CALN1: variants seen among roughly 807,000 people sequenced by gnomAD.
CALN1 encodes calneuron 1.
A neutral mutation model predicts 30.6 loss-of-function variants in CALN1; 17 were observed. That is an observed-to-expected ratio of 0.56 (90% CI 0.38 to 0.83). The LOEUF (loss-of-function observed/expected upper bound fraction) is 0.83, where lower values mean the gene tolerates loss of function less well. Ranked by LOEUF, CALN1 falls within the 40% of genes least tolerant of loss-of-function variation. The pLI, the probability that CALN1 is intolerant of heterozygous loss-of-function variation, is 0.00. For missense variants in CALN1, 291 were observed against 354.9 expected, an observed-to-expected ratio of 0.82 and a Z score of 1.45; for synonymous variants, 156 against 131.4, an observed-to-expected ratio of 1.19 and a Z score of -1.28.
At chr7:72,427,079 A>T (rs962191132) in intron 1 of CALN1, among the ~76,000 whole-genome samples, 15 of 152,174 alleles carry the variant, frequency 9.9e-5, no homozygotes, top group Non-Finnish European at 1.3e-4. Context: ...ACTTTCTGGG[A>T]TCAAGTGATC....
intron 5 of CALN1, among the ~76,000 whole-genome samples, chr7:71,815,755 CTTCT>C (rs1272823055): frequency 6.7e-6 from 1 of 148,912 alleles, no homozygotes; most frequent in Non-Finnish European, 1.5e-5. Context: ...TCCCTTCCTC[CTTCT>C]TTCCTTCCCT....
At chr7:72,232,163 G>A (rs1176987512) in intron 3 of CALN1, among the ~76,000 whole-genome samples, 1 of 152,186 alleles carries the variant, frequency 6.6e-6, no homozygotes, top group Non-Finnish European at 1.5e-5. Context: ...AGCAGGGGGA[G>A]CAGAGAGGAT....
At chr7:71,930,532 T>C (rs888056703) in intron 5 of CALN1, among the ~76,000 whole-genome samples, 5 of 152,266 alleles carry the variant, frequency 3.3e-5, no homozygotes, top group African/African-American at 1.2e-4. Flanking sequence ...TTTAGCTTCT[T>C]GATAGTGTCT....
intron 1 of CALN1, among the ~76,000 whole-genome samples, chr7:72,404,397 T>A (rs1246323176): frequency 6.6e-6 from 1 of 152,212 alleles, no homozygotes; most frequent in Non-Finnish European, 1.5e-5. Context: ...CTCTTTGGTT[T>A]CATTGAAGGT....
At chr7:71,890,760 T>TTC (rs1793194310) in intron 5 of CALN1, among the ~76,000 whole-genome samples, 1 of 150,288 alleles carries the variant, frequency 6.7e-6, no homozygotes, top group Non-Finnish European at 1.5e-5. Flanking sequence ...TTTTTTTTTT[T>TTC]TTTGAGATGG....
At chr7:72,342,655 G>C (rs1802436126) in intron 2 of CALN1, among the ~76,000 whole-genome samples, 1 of 152,084 alleles carries the variant, frequency 6.6e-6, no homozygotes, top group Non-Finnish European at 1.5e-5. Flanking sequence ...CCTGCCTCTA[G>C]CTTTGGGATT....
the CALN1 span, among the ~76,000 whole-genome samples, chr7:72,491,782 C>T: frequency 6.6e-6 from 1 of 152,178 alleles, no homozygotes; most frequent in African/African-American, 2.4e-5. Context: ...CTGCTCACAA[C>T]TGCACTTTTA....
At position 71,787,420 on chromosome 7, in the gene CALN1, C is replaced by CG; in HGVS notation, c.*354_*355insC. The CG allele has an allele frequency of 4.9e-5, 11 of 226,700 alleles. No individual in the cohort carries two copies. The highest frequency in any genetic ancestry group is 2.1e-4 in the South Asian group (3 of 14,044). The allele number at this position is 226,700 out of a possible 1,614,324, so 14.0% of individuals were successfully genotyped here. ...GGTGACTGTGTGTTCATGCCTCTCT[C>CG]TTGCTCTCTCACCATTATACCTGGA... is the stretch of plus-strand genomic sequence containing the variant. On this transcript the variant is annotated 3_prime_UTR_variant, in exon 7 of 7. Transcript: ENST00000395275.
chr7:72,390,811 T>A (rs1200489502), intron 2 of CALN1, among the ~76,000 whole-genome samples: 1 of 152,240 alleles, frequency 6.6e-6, no homozygotes, highest in Non-Finnish European at 1.5e-5. Flanking sequence ...TGTTATTATA[T>A]CAACACATTT....
At chr7:71,938,198 AG>A (rs1364196350) in intron 5 of CALN1, among the ~76,000 whole-genome samples, 4 of 152,200 alleles carry the variant, frequency 2.6e-5, no homozygotes, top group Non-Finnish European at 5.9e-5. Context: ...ATTTCCAGAT[AG>A]GGACACATAG....
chr7:72,467,392 C>T, the CALN1 span, among the ~76,000 whole-genome samples: 19 of 152,168 alleles, frequency 1.2e-4, no homozygotes, highest in Non-Finnish European at 2.2e-4. Context: ...GCTGTCAGCT[C>T]GGGCTGTAAG....
At chr7:71,982,284 A>G (rs1400907297) in intron 5 of CALN1, among the ~76,000 whole-genome samples, 3 of 152,214 alleles carry the variant, frequency 2.0e-5, no homozygotes, top group African/African-American at 4.8e-5. Context: ...TCATTAAAAC[A>G]TTTTAAAAGA....
At chr7:72,458,139 T>C in the CALN1 span, among the ~76,000 whole-genome samples, 5 of 135,868 alleles carry the variant, frequency 3.7e-5, no homozygotes, top group Admixed American at 8.7e-5. Context: ...TAAATATATA[T>C]ATATTTAATA....
chr7:72,161,327 T>A (rs1187989844), intron 3 of CALN1, among the ~76,000 whole-genome samples: 1 of 152,128 alleles, frequency 6.6e-6, no homozygotes, highest in Non-Finnish European at 1.5e-5. Flanking sequence ...AATATCTACC[T>A]CTTTCACCTT....
intron 6 of CALN1, among the ~76,000 whole-genome samples, chr7:71,803,018 T>C (rs1787396946): frequency 6.6e-6 from 1 of 151,912 alleles, no homozygotes; most frequent in Admixed American, 6.6e-5. Flanking sequence ...AACAAGACCC[T>C]GTCTCAAAAA....
At chr7:72,217,999 C>A (rs909815146) in intron 3 of CALN1, among the ~76,000 whole-genome samples, 1 of 151,280 alleles carries the variant, frequency 6.6e-6, no homozygotes, top group Non-Finnish European at 1.5e-5. Flanking sequence ...CCTGCCACTG[C>A]GCCCAGATAG....
chr7:72,057,814 A>T (rs1287341940), intron 4 of CALN1, among the ~76,000 whole-genome samples: 1 of 152,084 alleles, frequency 6.6e-6, no homozygotes, highest in Non-Finnish European at 1.5e-5. Context: ...GTGTGGTCTT[A>T]TCGTTTCTGT....
At chr7:71,959,266 T>A (rs1020512453) in intron 5 of CALN1, among the ~76,000 whole-genome samples, 9 of 152,208 alleles carry the variant, frequency 5.9e-5, no homozygotes, top group African/African-American at 2.2e-4. Flanking sequence ...AATATTCACA[T>A]AATGTGGCTA....
At chr7:72,051,910 T>C (rs566270009) in intron 4 of CALN1, among the ~76,000 whole-genome samples, 9 of 152,352 alleles carry the variant, frequency 5.9e-5, no homozygotes, top group African/African-American at 1.9e-4. Context: ...GTAAGAGTGA[T>C]CTATCTCAAG....
Sources: allele counts gnomAD v4.1 joint callset (sites outside exome capture counted in the v4.1 genomes callset), GRCh38; gene constraint gnomAD v4.1.1; transcripts MANE v1.5; gene names NCBI Gene and HGNC (gene_info 2026-07-23, HGNC 2026-07-21).